LPO: variants seen among roughly 807,000 people sequenced by gnomAD.
LPO encodes the protein lactoperoxidase.
A neutral mutation model predicts 68.4 loss-of-function variants in LPO; 70 were observed. That is an observed-to-expected ratio of 1.02 (90% CI 0.84 to 1.25). The LOEUF is 1.25. Ranked by LOEUF, LPO falls within the 50% of genes most tolerant of loss-of-function variation. The pLI is 0.00. For synonymous variants in LPO, 360 were observed against 357.6 expected (o/e 1.01, Z -0.08); for missense variants, 873 against 908.4 (o/e 0.96, Z 0.50).
At chr17:58,250,783 T>C in intron 7 of LPO, 162 bp downstream of exon 7, 1 of 701,152 alleles carries the variant, frequency 1.4e-6, no homozygotes, top group Non-Finnish European at 2.4e-6. Context: ...GTTTATTCAG[T>C]AAATAGACAT....
chr17:58,243,308 CT>C (rs1969792545), intron 2 of LPO: 1 of 460,126 alleles, frequency 2.2e-6, no homozygotes, highest in Admixed American at 3.8e-5. Context: ...CTGCCTCAGT[CT>C]TTGCGTGGCC....
chr17:58,260,424 A>G (rs1202303303), intron 9 of LPO, among the ~76,000 whole-genome samples: 1 of 152,162 alleles, frequency 6.6e-6, no homozygotes, highest in Non-Finnish European at 1.5e-5. Context: ...AACTTCCAAT[A>G]CTATATTAAA....
intron 5 of LPO, 160 bp from the exon 6 acceptor site, chr17:58,249,406 C>A: frequency 8.5e-7 from 1 of 1,180,420 alleles, no homozygotes; most frequent in Non-Finnish European, 1.2e-6. Flanking sequence ...GAGCCCCGCG[C>A]CTTCAGGGGG....
chr17:58,258,844 G>A (rs1364188988), intron 9 of LPO, among the ~76,000 whole-genome samples: 1 of 152,120 alleles, frequency 6.6e-6, no homozygotes, highest in Non-Finnish European at 1.5e-5. Context: ...ATCTTTTCCT[G>A]TGCTCATTTG....
Position 58,267,343 on chromosome 17 carries a change from CCCT to C in LPO, c.1694-5_1694-3del. On this transcript the variant is annotated splice_region_variant and splice_polypyrimidine_tract_variant and intron_variant, in intron 11 of 12. Coordinates refer to ENST00000262290, the MANE Select transcript of LPO (RefSeq NM_006151.3). ...GGATGAGACAGCCTCAGTCTCTCCA[CCCT>C]AGGGTACAATTCCTGGAGAGCCTTC... is the stretch of plus-strand genomic sequence containing the variant. The C allele has an allele frequency of 6.2e-7, 1 of 1,611,956 alleles. No individual in the cohort carries two copies. Among genetic ancestry groups the C allele is most frequent in the Non-Finnish European group, 8.5e-7 (1 of 1,178,154 alleles).
At chr17:58,239,389 G>A (rs952171930) in intron 1 of LPO, among the ~76,000 whole-genome samples, 1 of 151,344 alleles carries the variant, frequency 6.6e-6, no homozygotes, top group African/African-American at 2.4e-5. Context: ...GGAATGGGGT[G>A]GTTAAATTAT....
chr17:58,257,237 A>G (rs1283019951), intron 9 of LPO, among the ~76,000 whole-genome samples: 2 of 152,000 alleles, frequency 1.3e-5, no homozygotes, highest in Non-Finnish European at 2.9e-5. Flanking sequence ...CCTGGCCATC[A>G]TTCTATTTTT....
At chr17:58,259,091 G>T (rs1468935469) in intron 9 of LPO, among the ~76,000 whole-genome samples, 1 of 151,920 alleles carries the variant, frequency 6.6e-6, no homozygotes. Flanking sequence ...TTTTAATGAA[G>T]TTCTTTTAAT....
intron 3 of LPO, among the ~76,000 whole-genome samples, chr17:58,247,220 C>T (rs1050478832): frequency 2.0e-5 from 3 of 152,176 alleles, no homozygotes; most frequent in Admixed American, 1.3e-4. Context: ...CTGCACTGTC[C>T]AACACAGTCA....
At position 58,252,287 on chromosome 17, in the gene LPO, C is replaced by T; in HGVS notation, c.886C>T (p.Gln296Ter). ...TPPYKSLAREQINALTSFLDA... is the reference protein window; with the variant it reads ...TPPYKSLARE ...ACCCTACAAGTCCCTGGCCCGAGAG[C>T]AGATCAACGCTCTGACCTCCTTCCT... is the stretch of plus-strand genomic sequence containing the variant. The change falls in exon 8 of 13, where the codon CAG (glutamine) becomes TAG (stop). Residue 296 changes from glutamine (Q) to a stop codon, truncating the protein, a stop_gained. Transcript: ENST00000262290. LOFTEE classifies it high-confidence loss of function. 2 of 1,614,206 alleles carry T rather than the reference C, an allele frequency of 1.2e-6. No homozygotes were observed. The highest frequency in any genetic ancestry group is 1.7e-6 in the Non-Finnish European group (2 of 1,180,030).
At chr17:58,243,133 T>C in intron 2 of LPO, 78 bp downstream of exon 2, 1 of 1,392,646 alleles carries the variant, frequency 7.2e-7, no homozygotes, top group Non-Finnish European at 1.0e-6. Flanking sequence ...ACAACAGAAA[T>C]GTATTCTCTC....
In LPO at chr17:58,247,651, C is replaced by T; in HGVS notation, c.325+13C>T. On this transcript the variant is annotated intron_variant, in intron 4 of 12. Coordinates refer to ENST00000262290, the MANE Select transcript of LPO (RefSeq NM_006151.3). ...ACCAATGTCACAGGTACAGAAAACC[C>T]ACCAGCCCTCTGTGGCAGGAAGGGG... 1 of 1,610,110 alleles carries T rather than the reference C, an allele frequency of 6.2e-7. No individual in the cohort carries two copies. Among genetic ancestry groups the T allele is most frequent in the South Asian group, 1.1e-5 (1 of 90,846 alleles).
chr17:58,240,390 A>G (rs1348543873), intron 1 of LPO, among the ~76,000 whole-genome samples: 1 of 152,164 alleles, frequency 6.6e-6, no homozygotes, highest in African/African-American at 2.4e-5. Context: ...AAGAATATGG[A>G]TAAATATCTA....
intron 8 of LPO, 162 bp from the exon 9 acceptor site, chr17:58,254,649 G>A: frequency 3.3e-6 from 2 of 611,580 alleles, no homozygotes; most frequent in South Asian, 4.1e-5. Context: ...CTATGATTCA[G>A]TACCCCCTCC....
chr17:58,252,201 A>G lies in LPO; in HGVS notation c.800A>G (p.Lys267Arg), dbSNP rs780537865. The G allele has an allele frequency of 6.2e-7, 1 of 1,614,032 alleles. No homozygotes were observed. The highest frequency in any genetic ancestry group is 8.5e-7 in the Non-Finnish European group (1 of 1,179,968). ...FPIMFPPNDP[K>R]AGTQGKCMPF... is the part of the protein sequence containing the mutation. Reference sequence around the variant, plus strand: ...CTGCAGTTCCCACCCAATGACCCCAAGGCGGGGACTCAAGGGAAATGCATG... The same window carrying G: ...CTGCAGTTCCCACCCAATGACCCCAGGGCGGGGACTCAAGGGAAATGCATG... The change falls in exon 8 of 13, where the codon AAG (lysine) becomes AGG (arginine). Residue 267 changes from lysine to arginine, a missense_variant. By Grantham distance (26) the Lys-to-Arg change is conservative. Transcript: ENST00000262290.
At chr17:58,241,268 G>A (rs1969754552) in intron 1 of LPO, among the ~76,000 whole-genome samples, 1 of 150,420 alleles carries the variant, frequency 6.6e-6, no homozygotes, top group Admixed American at 6.7e-5. Context: ...CTGCCACCAC[G>A]CCTGGCTAAT....
At chr17:58,265,573 CTTTTTTTTT>C (rs71365866) in intron 10 of LPO, among the ~76,000 whole-genome samples, 18 of 85,212 alleles carry the variant, frequency 2.1e-4, no homozygotes, top group African/African-American at 7.5e-4. Context: ...TTAAAAATAC[CTTTTTTTTT>C]TTTTTTTTTT....
Position 58,268,003 on chromosome 17 carries a change from G to A in LPO, c.*9G>A, listed in dbSNP as rs377415229. ...CCTCAGTGAAGAATTAGGGGCCCGC[G>A]CTGCACAGGAAAGTTCCCTTTGGTC... On this transcript the variant is annotated 3_prime_UTR_variant, in exon 13 of 13. Coordinates refer to ENST00000262290, the MANE Select transcript of LPO (RefSeq NM_006151.3). 187 of 1,612,586 alleles carry A rather than the reference G, an allele frequency of 1.2e-4. No individual in the cohort carries two copies. The highest frequency in any genetic ancestry group is 2.2e-4 in the Admixed American group (13 of 59,990).
At chr17:58,243,246 T>G in intron 2 of LPO, 191 bp downstream of exon 2, 4 of 570,196 alleles carry the variant, frequency 7.0e-6, no homozygotes, top group Non-Finnish European at 1.2e-5. Flanking sequence ...CAGCTTCTGG[T>G]GGCCCTGGTA....
Sources: gnomAD v4.1 joint callset for allele counts (sites outside exome capture counted in the v4.1 genomes callset) on GRCh38, gnomAD v4.1.1 for gene constraint, MANE v1.5 for transcripts, NCBI Gene and HGNC (gene_info 2026-07-23, HGNC 2026-07-21) for gene names.